Variants in KLHL2 observed in about 807,000 individuals in gnomAD.
KLHL2 encodes kelch like family member 2.
Under a neutral mutation model 75.8 loss-of-function variants are expected in KLHL2, and 15 were observed. The observed-to-expected ratio is 0.20, with a 90% CI of 0.13 to 0.30. The LOEUF (loss-of-function observed/expected upper bound fraction) is 0.30. Among genes scored for constraint, KLHL2 ranks in the 10% least tolerant of loss-of-function variants. The probability of loss-of-function intolerance (pLI) is 1.00; values close to 1 mark genes in which losing one functional copy is unlikely to be tolerated. For synonymous variants in KLHL2, 214 were observed against 251.9 expected (o/e 0.85, Z 1.42); for missense variants, 381 against 741.0 (o/e 0.51, Z 5.64).
chr4:165,216,389 ATT>A (rs1483094861), intron 1 of KLHL2, among the ~76,000 whole-genome samples: 2 of 152,220 alleles, frequency 1.3e-5, no homozygotes, highest in Admixed American at 6.5e-5. Flanking sequence ...ACAATAGGCT[ATT>A]GGATAATTGC....
At chr4:165,287,930 C>A (rs1043908477) in intron 5 of KLHL2, among the ~76,000 whole-genome samples, 2 of 152,090 alleles carry the variant, frequency 1.3e-5, no homozygotes, top group African/African-American at 4.8e-5. Context: ...TTGTCAGATA[C>A]ATGACTTGCA....
chr4:165,232,296 G>A (rs1312640240), intron 3 of KLHL2, among the ~76,000 whole-genome samples: 2 of 151,746 alleles, frequency 1.3e-5, no homozygotes, highest in Admixed American at 6.6e-5. Context: ...GCGTGGTGGC[G>A]GGCACCTGTA....
Position 165,299,642 on chromosome 4 carries a change from A to G in KLHL2, c.907A>G (p.Met303Val). 1.2e-6 allele frequency: 2 copies of G among 1,606,686 alleles called. No individual in the cohort carries two copies. Among genetic ancestry groups the G allele is most frequent in the East Asian group, 2.2e-5 (1 of 44,706 alleles). Residue 303 changes from methionine (M) to valine (V), a missense_variant, in exon 8 of 15, where the codon ATG becomes GTG. Met to Val is a conservative substitution (Grantham distance 21). Coordinates refer to ENST00000226725, the MANE Select transcript of KLHL2 (RefSeq NM_007246.4). ...TGTCCGGACCCGGCTGAGGACACCC[A>G]TGAACCTTCCCAAAGTAGGATCTGT... ...KSVRTRLRTP[M>V]NLPKLMVVVG...
rs1211212608 is a variant in KLHL2, at chr4:165,207,851, C to G, written c.-26C>G. ...TGCTGGCTGTGTTGGTCGGTGCCTGCGTTCTGAAGCCCGAGAGGAGCCACA... is the reference window on the plus strand; with the variant it reads ...TGCTGGCTGTGTTGGTCGGTGCCTGGGTTCTGAAGCCCGAGAGGAGCCACA... On this transcript the variant is annotated 5_prime_UTR_variant, in exon 1 of 15. Coordinates refer to ENST00000226725, the MANE Select transcript of KLHL2 (RefSeq NM_007246.4). The surrounding 1 kb of genome is among the most constrained non-coding windows in gnomAD (Gnocchi z 4.2). 9.0e-6 allele frequency: 13 copies of G among 1,449,044 alleles called. No homozygotes were observed. The highest frequency in any genetic ancestry group is 1.2e-5 in the Non-Finnish European group (13 of 1,094,298). 89.8% of individuals were successfully genotyped at this position (1,449,044 alleles called of 1,614,324 possible).
intron 5 of KLHL2, chr4:165,278,551 C>A: frequency 1.2e-6 from 2 of 1,611,478 alleles, no homozygotes; most frequent in Non-Finnish European, 1.7e-6. Context: ...CATATAACCC[C>A]GAAAATGCTG....
chr4:165,310,540 AC>A lies in KLHL2; in HGVS notation c.1040-12del, dbSNP rs1346563505. 5.6e-6 allele frequency: 9 copies of A among 1,611,078 alleles called. No homozygotes were observed. In the African/African-American group the frequency reaches 1.2e-4, roughly 22 times the overall value. On this transcript the variant is annotated splice_polypyrimidine_tract_variant and intron_variant, in intron 9 of 14. Coordinates refer to ENST00000226725, the MANE Select transcript of KLHL2 (RefSeq NM_007246.4). The stretch of plus-strand genomic sequence containing the variant: ...TTGCATGTTGATCATTAAATGCTGT[AC>A]TCCTTTTGCAGGCATGGTCTACATG...
intron 8 of KLHL2, among the ~76,000 whole-genome samples, chr4:165,300,792 T>G (rs1745295614): frequency 6.6e-6 from 1 of 152,236 alleles, no homozygotes; most frequent in Non-Finnish European, 1.5e-5. Context: ...GATTAAGAAA[T>G]AAGAATCTGT....
At chr4:165,275,998 T>G (rs1156836106) in intron 5 of KLHL2, among the ~76,000 whole-genome samples, 1 of 149,404 alleles carries the variant, frequency 6.7e-6, no homozygotes, top group Admixed American at 6.7e-5. Flanking sequence ...CATGGTGGCA[T>G]GTGCTTGTAG....
At position 165,278,110 on chromosome 4, in the gene KLHL2, A is replaced by G. The variant is rs563954861; in HGVS notation, c.544+14751A>G. 2.6e-6 allele frequency: 4 copies of G among 1,557,494 alleles called. No individual in the cohort carries two copies. In the East Asian group the frequency reaches 9.0e-5, roughly 35 times the overall value. On this transcript the variant is annotated intron_variant, in intron 5 of 14. Coordinates refer to ENST00000226725, the MANE Select transcript of KLHL2 (RefSeq NM_007246.4). ...CTTCTGGAGATTGAGTTGTAACCCA[A>G]CCCATTGACTTCATCACAGCTTTCT...
chr4:165,208,576 A>G lies in KLHL2; in HGVS notation c.26+674A>G, dbSNP rs1437866332. ...CCCAAGTACATTCAAGATCACTGGC[A>G]ACAGAATTACTTTCTAGAAATAATA... is the stretch of plus-strand genomic sequence containing the variant. On this transcript the variant is annotated intron_variant, in intron 1 of 14. Transcript: ENST00000226725. The G allele has an allele frequency of 2.6e-5, 4 of 152,212 alleles. No individual in the cohort carries two copies. In the East Asian group the frequency reaches 7.7e-4, roughly 29 times the overall value. 9.4% of individuals were successfully genotyped at this position (152,212 alleles called of 1,614,324 possible). A position where few individuals can be genotyped will look rare whatever the true frequency, so the allele number is the denominator to read the frequency against.
Position 165,322,151 on chromosome 4 carries a change from T to C in KLHL2, c.*91T>C, listed in dbSNP as rs1747033344. On this transcript the variant is annotated 3_prime_UTR_variant, in exon 15 of 15. Coordinates refer to ENST00000226725, the MANE Select transcript of KLHL2 (RefSeq NM_007246.4). ...ACTGAGAATCTAGCACTTCTCCACT[T>C]GTAGCTGCACTTTAAGTCTCAGCAG... 2.6e-6 allele frequency: 3 copies of C among 1,148,114 alleles called. No individual in the cohort carries two copies. 71.1% of individuals were successfully genotyped at this position (1,148,114 alleles called of 1,614,324 possible).
rs1560783801 is a variant in KLHL2, at chr4:165,264,717, T to TAC, written c.544+1359_544+1360insCA. Among the ~76,000 whole-genome samples the TAC allele has an allele frequency of 1.2e-3, 91 of 77,716 alleles. 1 individual carries two copies. Among genetic ancestry groups the TAC allele is most frequent in the South Asian group, 2.4e-3 (5 of 2,078 alleles). The allele number at this position is 77,716 out of a possible 152,430, so 51.0% of individuals were successfully genotyped here. ...GTGTGTGTGTGTGTATATATATATA[T>TAC]ATACATATATATATATATATATGTA... is the stretch of plus-strand genomic sequence containing the variant. On this transcript the variant is annotated intron_variant, in intron 5 of 14. Coordinates refer to ENST00000226725, the MANE Select transcript of KLHL2 (RefSeq NM_007246.4).
intron 6 of KLHL2, among the ~76,000 whole-genome samples, chr4:165,295,947 C>A (rs1464024531): frequency 6.6e-6 from 1 of 152,188 alleles, no homozygotes; most frequent in Non-Finnish European, 1.5e-5. Context: ...CATGCCAAAA[C>A]CTGCATTATA....
intron 4 of KLHL2, among the ~76,000 whole-genome samples, chr4:165,259,941 G>A (rs866080246): frequency 0.19 from 28,120 of 148,074 alleles, 3,371 homozygotes; most frequent in Non-Finnish European, 0.27. Context: ...AAAACTTTCA[G>A]CTTGCAGGGT....
chr4:165,232,162 G>A (rs1358685315), intron 3 of KLHL2, among the ~76,000 whole-genome samples: 2 of 152,076 alleles, frequency 1.3e-5, no homozygotes, highest in East Asian at 3.9e-4. Context: ...GCAGAAATTA[G>A]ATAAGATAAA....
intron 6 of KLHL2, among the ~76,000 whole-genome samples, chr4:165,296,934 A>G (rs1744958069): frequency 6.6e-6 from 1 of 152,072 alleles, no homozygotes; most frequent in Non-Finnish European, 1.5e-5. Context: ...ATTTATTTGC[A>G]GAAATCAATA....
intron 5 of KLHL2, among the ~76,000 whole-genome samples, chr4:165,284,159 A>G (rs1320035638): frequency 3.3e-5 from 5 of 151,982 alleles, no homozygotes. Context: ...CATTTTCCCC[A>G]TTGTCTTGGT....
chr4:165,261,340 A>G (rs1560779859), intron 4 of KLHL2, among the ~76,000 whole-genome samples: 1 of 151,682 alleles, frequency 6.6e-6, no homozygotes, highest in African/African-American at 2.4e-5. Flanking sequence ...TTTATTTTCT[A>G]TTTTTATTTT....
chr4:165,239,264 CT>C (rs60521648), intron 4 of KLHL2, among the ~76,000 whole-genome samples: 27,657 of 134,644 alleles, frequency 0.21, 2,994 homozygotes, highest in Non-Finnish European at 0.29. Context: ...TTATTTCTGT[CT>C]TTTTTTTTTT....
Sources: allele counts gnomAD v4.1 joint callset (sites outside exome capture counted in the v4.1 genomes callset), GRCh38; gene constraint gnomAD v4.1.1; non-coding constraint Gnocchi (gnomAD v3.1); transcripts MANE v1.5; gene names NCBI Gene and HGNC (gene_info 2026-07-23, HGNC 2026-07-21).